The following MLLT3 variants were observed in gnomAD, a reference collection of about 807,000 sequenced individuals.
MLLT3 encodes MLLT3 super elongation complex subunit.
In MLLT3, 4 loss-of-function variants were observed where a neutral mutation model predicts 53.2. The observed-to-expected ratio is 0.08, with a 90% CI of 0.04 to 0.17. The LOEUF is 0.17. MLLT3 is among the 10% of genes least tolerant of loss of function. The pLI is 1.00. For synonymous variants in MLLT3, 283 were observed against 230.6 expected (o/e 1.23, Z -2.06); for missense variants, 569 against 684.0 (o/e 0.83, Z 1.87).
intron 6 of MLLT3, among the ~76,000 whole-genome samples, chr9:20,364,998 A>T (rs1821414891): frequency 6.6e-6 from 1 of 152,238 alleles, no homozygotes; most frequent in Admixed American, 6.5e-5. Flanking sequence ...GCCAATTAGT[A>T]TTGCCTTAAA....
At chr9:20,408,627 G>A (rs1185603452) in intron 5 of MLLT3, among the ~76,000 whole-genome samples, 1 of 152,180 alleles carries the variant, frequency 6.6e-6, no homozygotes, top group Non-Finnish European at 1.5e-5. Flanking sequence ...GGCCTCTCCA[G>A]CTGCTCCCTC....
At chr9:20,436,439 T>C (rs1823406204) in intron 4 of MLLT3, among the ~76,000 whole-genome samples, 1 of 152,166 alleles carries the variant, frequency 6.6e-6, no homozygotes, top group African/African-American at 2.4e-5. Flanking sequence ...AACAAAAATA[T>C]GAAGTCCGTT....
Position 20,621,851 on chromosome 9 carries a change from C to T in MLLT3, c.12+394G>A. On this transcript the variant is annotated intron_variant, in intron 1 of 10. Coordinates refer to ENST00000380338, the MANE Select transcript of MLLT3 (RefSeq NM_004529.4). This position sits in a 1 kb window ranked among gnomAD's most constrained non-coding sequence, Gnocchi z 7.0. ...GCGTCCCCGGACTGTGCCCGCAGCT[C>T]CCGGCGGCGGCGGCTGAAATATGGC... 1 of 1,387,702 alleles carries T rather than the reference C, an allele frequency of 7.2e-7. No homozygotes were observed. Among genetic ancestry groups the T allele is most frequent in the Non-Finnish European group, 9.3e-7 (1 of 1,080,376 alleles). 86.0% of individuals were successfully genotyped at this position (1,387,702 alleles called of 1,614,324 possible).
At chr9:20,483,914 T>C (rs1371722632) in intron 2 of MLLT3, among the ~76,000 whole-genome samples, 2 of 151,492 alleles carry the variant, frequency 1.3e-5, no homozygotes, top group South Asian at 2.1e-4. Context: ...GGTTTCACCG[T>C]GTTAGCCAGG....
At chr9:20,478,410 C>A (rs1003468390) in intron 2 of MLLT3, among the ~76,000 whole-genome samples, 3 of 152,222 alleles carry the variant, frequency 2.0e-5, no homozygotes, top group Admixed American at 6.5e-5. Flanking sequence ...AGAAGAGATG[C>A]TCACTAACCA....
chr9:20,410,606 C>G (rs899244695), intron 5 of MLLT3: 1 of 152,078 alleles, frequency 6.6e-6, no homozygotes, highest in Non-Finnish European at 1.5e-5. Flanking sequence ...AAACACCAGC[C>G]AGACATACAA....
At chr9:20,607,386 A>G (rs1305257288) in intron 2 of MLLT3, among the ~76,000 whole-genome samples, 1 of 152,096 alleles carries the variant, frequency 6.6e-6, no homozygotes, top group Non-Finnish European at 1.5e-5. Flanking sequence ...ATACACCTTA[A>G]TCCTGAAGAA....
intron 2 of MLLT3, among the ~76,000 whole-genome samples, chr9:20,566,056 A>G (rs1424618694): frequency 1.0e-5 from 1 of 98,210 alleles, no homozygotes; most frequent in Non-Finnish European, 2.1e-5. Context: ...ATATATATTT[A>G]TATATATATT....
intron 4 of MLLT3, among the ~76,000 whole-genome samples, chr9:20,444,510 A>G (rs1823641305): frequency 6.6e-6 from 1 of 152,124 alleles, no homozygotes; most frequent in Admixed American, 6.5e-5. Context: ...TATGAATAAT[A>G]ATTTTTAAAG....
intron 2 of MLLT3, among the ~76,000 whole-genome samples, chr9:20,550,586 T>C (rs1818902097): frequency 6.6e-6 from 1 of 151,850 alleles, no homozygotes; most frequent in Non-Finnish European, 1.5e-5. Flanking sequence ...CACCACCACA[T>C]GACTAAATTT....
At chr9:20,502,890 C>T (rs1345546720) in intron 2 of MLLT3, among the ~76,000 whole-genome samples, 1 of 152,158 alleles carries the variant, frequency 6.6e-6, no homozygotes, top group Admixed American at 6.5e-5. Flanking sequence ...ACATCAGTAG[C>T]ATCTGTATAT....
chr9:20,544,535 T>C (rs1191079829), intron 2 of MLLT3, among the ~76,000 whole-genome samples: 3 of 152,206 alleles, frequency 2.0e-5, no homozygotes, highest in Admixed American at 2.0e-4. Context: ...CACAATGAAG[T>C]ACCATCTTTT....
intron 2 of MLLT3, among the ~76,000 whole-genome samples, chr9:20,597,245 C>A (rs1368561111): frequency 6.6e-6 from 1 of 151,960 alleles, no homozygotes; most frequent in Non-Finnish European, 1.5e-5. Flanking sequence ...ACCCAGTACT[C>A]AGCCTGGCAC....
At chr9:20,534,002 G>T (rs1450733489) in intron 2 of MLLT3, among the ~76,000 whole-genome samples, 7 of 152,032 alleles carry the variant, frequency 4.6e-5, no homozygotes, top group South Asian at 2.1e-4. Context: ...ATTAATTTGT[G>T]GTAGTCATGG....
chr9:20,557,353 C>T (rs1347530910), intron 2 of MLLT3, among the ~76,000 whole-genome samples: 2 of 152,134 alleles, frequency 1.3e-5, no homozygotes, highest in Non-Finnish European at 2.9e-5. Flanking sequence ...GCCAATTAAT[C>T]TCTCTGTGGT....
Position 20,448,111 on chromosome 9 carries a change from A to T in MLLT3, c.420+12T>A. ...TTAATAGGAATGCTTTTCACAAGAG[A>T]GTGCCACTTACCCCTCCTGCCTTCA... is the stretch of plus-strand genomic sequence containing the variant. On this transcript the variant is annotated intron_variant, in intron 4 of 10. Coordinates refer to ENST00000380338, the MANE Select transcript of MLLT3 (RefSeq NM_004529.4). This position sits in a 1 kb window ranked among gnomAD's most constrained non-coding sequence, Gnocchi z 4.0. 1 of 1,604,946 alleles carries T rather than the reference A, an allele frequency of 6.2e-7. No homozygotes were observed. The highest frequency in any genetic ancestry group is 8.5e-7 in the Non-Finnish European group (1 of 1,176,768).
chr9:20,524,909 T>C (rs991605284), intron 2 of MLLT3, among the ~76,000 whole-genome samples: 1 of 151,976 alleles, frequency 6.6e-6, no homozygotes, highest in East Asian at 1.9e-4. Context: ...GCTAAATCCT[T>C]GTGAGCAGCT....
intron 5 of MLLT3, among the ~76,000 whole-genome samples, chr9:20,402,684 C>G (rs983191923): frequency 1.3e-5 from 2 of 152,126 alleles, no homozygotes; most frequent in Admixed American, 6.6e-5. Flanking sequence ...TGAAATACAT[C>G]AAGTCATGAT....
At chr9:20,601,732 G>C (rs957978081) in intron 2 of MLLT3, among the ~76,000 whole-genome samples, 1 of 151,834 alleles carries the variant, frequency 6.6e-6, no homozygotes, top group Non-Finnish European at 1.5e-5. Flanking sequence ...TTGTTCCTTT[G>C]AGAAAATGAA....
Sources: gnomAD v4.1 joint callset for allele counts (sites outside exome capture counted in the v4.1 genomes callset) on GRCh38, gnomAD v4.1.1 for gene constraint, Gnocchi (gnomAD v3.1) non-coding constraint, MANE v1.5 for transcripts, NCBI Gene and HGNC (gene_info 2026-07-23, HGNC 2026-07-21) for gene names.